The following TOP1MT variants were observed in gnomAD, a reference collection of about 807,000 sequenced individuals.
The protein encoded by TOP1MT is DNA topoisomerase I mitochondrial.
Under a neutral mutation model 73.9 loss-of-function variants are expected in TOP1MT, and 80 were observed. The ratio of observed to expected loss-of-function variants is 1.08; its 90% CI spans 0.90 to 1.30. The LOEUF (loss-of-function observed/expected upper bound fraction) is 1.30. TOP1MT is among the 50% of genes most tolerant of loss of function. TOP1MT has a pLI of 0.00. For synonymous variants in TOP1MT, 338 were observed against 326.4 expected (o/e 1.04, Z -0.38); for missense variants, 815 against 808.0 (o/e 1.01, Z -0.10).
intron 1 of TOP1MT, among the ~76,000 whole-genome samples, chr8:143,355,701 C>T (rs571497491): frequency 2.6e-5 from 4 of 152,302 alleles, no homozygotes; most frequent in East Asian, 1.9e-4. Flanking sequence ...TCTGGGCCCC[C>T]GACACGAATG....
At chr8:143,310,452 A>G in intron 12 of TOP1MT, 1 of 405,956 alleles carries the variant, frequency 2.5e-6, no homozygotes, top group Admixed American at 4.2e-5. Context: ...GCAGCCCGTC[A>G]GGACCTGACT....
intron 3 of TOP1MT, 143 bp downstream of exon 3, chr8:143,329,207 C>T: frequency 2.1e-6 from 2 of 934,992 alleles, no homozygotes; most frequent in East Asian, 5.5e-5. Flanking sequence ...CTCGAAGCTG[C>T]AAAGAGCCAT....
In TOP1MT at chr8:143,321,279, G is replaced by A. The variant is rs61631623; in HGVS notation, c.1068C>T (p.Gly356=). The change falls in exon 8 of 14, where the codon GGC becomes GGT. Residue 356 remains glycine, a synonymous_variant. Coordinates refer to ENST00000329245, the MANE Select transcript of TOP1MT (RefSeq NM_052963.3). ...AGTCAAATTCCACCACGTGTTGGCA[G>A]CCATCGGCCTCCGGGTGCAGCTGGA... ...EHVQLHPEAD[G]CQHVVEFDFL... The A allele has an allele frequency of 0.11, 169,363 of 1,612,194 alleles. 9,632 individuals are homozygous for A. Among genetic ancestry groups the A allele is most frequent in the African/African-American group, 0.2 (14,683 of 74,942 alleles).
In TOP1MT at chr8:143,310,109, C is replaced by T. The variant is rs1040162705; in HGVS notation, c.1662G>A (p.Thr554=). 1.7e-5 allele frequency: 27 copies of T among 1,613,504 alleles called. No homozygotes were observed. The highest frequency in any genetic ancestry group is 4.0e-5 in the African/African-American group (3 of 74,950). Residue 554 remains threonine (T), a synonymous_variant, in exon 13 of 14, where the codon ACG becomes ACA. Coordinates refer to ENST00000329245, the MANE Select transcript of TOP1MT (RefSeq NM_052963.3). ...KEENKQVALG[T]SKLNYLDPRI... is the part of the protein sequence containing the mutation. ...TGGGGTCCAGGTAGTTGAGCTTGGACGTGCCCAGGGCCACCTGCTTGTTCT... is the reference window on the plus strand; with the variant it reads ...TGGGGTCCAGGTAGTTGAGCTTGGATGTGCCCAGGGCCACCTGCTTGTTCT...
intron 7 of TOP1MT, among the ~76,000 whole-genome samples, 177 bp from the exon 8 acceptor site, chr8:143,321,563 ACAC>A (rs1816367929): frequency 5.0e-5 from 5 of 99,486 alleles, no homozygotes; most frequent in South Asian, 4.1e-4. Context: ...CACGCCACAC[ACAC>A]GCACGCCACA....
At position 143,309,471 on chromosome 8, in the gene TOP1MT, G is replaced by A. The variant is rs747251189; in HGVS notation, c.1776C>T (p.Leu592=). ...KTQRERFAWA[L]AMAGEDFEF ...ATTCAAAGTCTTCTCCTGCCATGGCGAGAGCCCAGGCGAACCTCTCCCGCT... is the reference window on the plus strand; with the variant it reads ...ATTCAAAGTCTTCTCCTGCCATGGCAAGAGCCCAGGCGAACCTCTCCCGCT... The change falls in exon 14 of 14, where the codon CTC becomes CTT. Residue 592 remains leucine (L), a synonymous_variant. Transcript: ENST00000329245. 23 of 1,613,954 alleles carry A rather than the reference G, an allele frequency of 1.4e-5. No homozygotes were observed. Among genetic ancestry groups the A allele is most frequent in the South Asian group, 3.3e-5 (3 of 91,084 alleles).
intron 3 of TOP1MT, chr8:143,327,868 T>C: frequency 2.8e-6 from 1 of 351,532 alleles, no homozygotes; most frequent in Admixed American, 4.1e-5. Context: ...CACACGAGCC[T>C]CGGCCTCTAC....
intron 3 of TOP1MT, chr8:143,327,881 C>T (rs2130266220): frequency 8.8e-6 from 3 of 340,212 alleles, no homozygotes; most frequent in Admixed American, 4.4e-5. Flanking sequence ...GCCTCTACCC[C>T]ACACTATAAC....
intron 7 of TOP1MT, among the ~76,000 whole-genome samples, 161 bp downstream of exon 7, chr8:143,323,836 CAT>C (rs1440732997): frequency 6.6e-6 from 1 of 152,100 alleles, no homozygotes; most frequent in Non-Finnish European, 1.5e-5. Context: ...ACCCTACACA[CAT>C]GTTCACACCC....
At chr8:143,332,608 G>A (rs555664027) in intron 1 of TOP1MT, 2 of 1,273,454 alleles carry the variant, frequency 1.6e-6, no homozygotes, top group Non-Finnish European at 2.1e-6. Context: ...GGGTCTGAGA[G>A]GGGAAAGCAT....
intron 8 of TOP1MT, among the ~76,000 whole-genome samples, chr8:143,319,819 CT>C (rs561586169): frequency 0.028 from 4,123 of 146,198 alleles, 202 homozygotes; most frequent in African/African-American, 0.097. Flanking sequence ...AGAATGTAAC[CT>C]TTTTTTTTTT....
At chr8:143,332,389 G>A in intron 1 of TOP1MT, 2 of 927,402 alleles carry the variant, frequency 2.2e-6, no homozygotes, top group South Asian at 1.4e-5. Context: ...TTGGCGAGAG[G>A]GTGGGAGCAC....
At position 143,334,433 on chromosome 8, in the gene TOP1MT, C is replaced by T. The variant is rs113426682; in HGVS notation, c.122+307G>A. The T allele has an allele frequency of 9.8e-4, 374 of 381,674 alleles. 3 individuals carry two copies. Among genetic ancestry groups the T allele is most frequent in the African/African-American group, 6.9e-3 (318 of 46,174 alleles). The allele number at this position is 381,674 out of a possible 1,614,324, so 23.6% of individuals were successfully genotyped here. ...TTATAAAGTACCTAACCAAACCCTA[C>T]AGTGTTGAGGCCCAGGCACAGCTAC... On this transcript the variant is annotated intron_variant, in intron 1 of 13. Transcript: ENST00000329245.
At position 143,341,610 on chromosome 8, in the gene TOP1MT, C is replaced by T. The variant is rs575217170; in HGVS notation, c.29+1610G>A. Among the ~76,000 whole-genome samples, 81 of 152,374 alleles carry T rather than the reference C, an allele frequency of 5.3e-4. No individual in the cohort carries two copies. The highest frequency in any genetic ancestry group is 4.6e-3 in the Admixed American group (70 of 15,310). On this transcript the variant is annotated intron_variant, in intron 2 of 5. Coordinates refer to the TOP1MT transcript ENST00000518007. The surrounding 1 kb of genome is among the most constrained non-coding windows in gnomAD (Gnocchi z 4.1). ...CAGCTTTGGAAAATGGCCTCTTGAT[C>T]TCAGCCCTTGTGGCCTCTGTCAGGA...
In TOP1MT at chr8:143,353,963, C is replaced by CAAAAAAAA. The variant is rs1186472770; in HGVS notation, c.-39+1994_-39+2001dup. Among the ~76,000 whole-genome samples the CAAAAAAAA allele has an allele frequency of 9.5e-4, 45 of 47,618 alleles. 9 individuals are homozygous for CAAAAAAAA. Among genetic ancestry groups the CAAAAAAAA allele is most frequent in the Middle Eastern group, 0.024 (1 of 42 alleles). 31.2% of individuals were successfully genotyped at this position (47,618 alleles called of 152,430 possible). On this transcript the variant is annotated intron_variant, in intron 1 of 5. Coordinates refer to the TOP1MT transcript ENST00000518760. ...TGGGCGACAAAGAGAGACTCCATCC[C>CAAAAAAAA]AAAAAAAAAAAAAAAAAAAAAAAAA...
upstream of TOP1MT, chr8:143,359,552 A>T: frequency 2.7e-6 from 1 of 373,902 alleles, no homozygotes; most frequent in Non-Finnish European, 3.6e-6. Flanking sequence ...TGGGGCAGCC[A>T]GGGGAGAGGA....
rs558974263 is a variant in TOP1MT at position 143,341,536 on chromosome 8, C to T, written c.29+1684G>A. ...GAGGAGGAGGGAAGGTTCACCTTCC[C>T]CACCCCAGCAATGGCTGCCCTCCAT... On this transcript the variant is annotated intron_variant, in intron 2 of 5. Transcript: ENST00000518007. The surrounding 1 kb of genome is among the most constrained non-coding windows in gnomAD (Gnocchi z 4.1). Among the ~76,000 whole-genome samples, 2 of 152,366 alleles carry T rather than the reference C, an allele frequency of 1.3e-5. No homozygotes were observed. The highest frequency in any genetic ancestry group is 4.1e-4 in the South Asian group (2 of 4,832).
At position 143,316,013 on chromosome 8, in the gene TOP1MT, T is replaced by C; in HGVS notation, c.1444A>G (p.Asn482Asp). The change falls in exon 11 of 14, where the codon AAT becomes GAT. Residue 482 changes from asparagine (N) to aspartate (D), a missense_variant. Around this residue, in one of 3 missense-constraint regions of TOP1MT, gnomAD observed 751 missense variants for 725.4 expected, o/e 1.04. Coordinates refer to ENST00000329245, the MANE Select transcript of TOP1MT (RefSeq NM_052963.3). ...TPSTFEKSMQ[N>D]LQTKIQAKKE... ...GGAGCTGCTACCTTCGTCTGGAGAT[T>C]CTGCATCGACTTCTCGAACGTACTG... 2 of 1,614,138 alleles carry C rather than the reference T, an allele frequency of 1.2e-6. No homozygotes were observed. The highest frequency in any genetic ancestry group is 1.7e-6 in the Non-Finnish European group (2 of 1,179,988).
chr8:143,313,860 G>GAAAA (rs775683065), intron 12 of TOP1MT, among the ~76,000 whole-genome samples: 20 of 121,060 alleles, frequency 1.7e-4, no homozygotes, highest in African/African-American at 5.6e-4. Context: ...GTCTCCAAAG[G>GAAAA]AAAAAAAAAA....
Sources: allele counts gnomAD v4.1 joint callset (sites outside exome capture counted in the v4.1 genomes callset), GRCh38; gene constraint gnomAD v4.1.1; regional missense constraint gnomAD v4.1.1; non-coding constraint Gnocchi (gnomAD v3.1); transcripts MANE v1.5; gene names NCBI Gene and HGNC (gene_info 2026-07-23, HGNC 2026-07-21).